The following MAEA variants were observed in gnomAD, a reference collection of about 807,000 sequenced individuals.
The protein encoded by MAEA is macrophage erythroblast attacher, E3 ubiquitin ligase.
MAEA carries 22 observed loss-of-function variants against 46.2 expected under a neutral mutation model. That is an observed-to-expected ratio of 0.48 (90% CI 0.34 to 0.68). The LOEUF (loss-of-function observed/expected upper bound fraction) is 0.68. Among genes scored for constraint, MAEA ranks in the 30% least tolerant of loss-of-function variants. MAEA has a pLI of 0.01. For synonymous variants in MAEA, 246 were observed against 222.6 expected, an observed-to-expected ratio of 1.11 and a Z score of -0.94; for missense variants, 393 against 558.1, an observed-to-expected ratio of 0.70 and a Z score of 2.98.
intron 4 of MAEA, among the ~76,000 whole-genome samples, chr4:1,325,080 G>A (rs990585001): frequency 1.3e-5 from 2 of 152,156 alleles, no homozygotes; most frequent in Non-Finnish European, 2.9e-5. Flanking sequence ...TGGGGTACAC[G>A]GCTGTCTGTG....
intron 1 of MAEA, chr4:1,309,753 T>C: frequency 6.7e-7 from 1 of 1,495,420 alleles, no homozygotes; most frequent in East Asian, 2.5e-5. Context: ...GCGTTCTGCG[T>C]AACCGTGGCG....
intron 5 of MAEA, chr4:1,328,505 T>A (rs766148156): frequency 1.6e-6 from 1 of 618,192 alleles, no homozygotes; most frequent in Non-Finnish European, 2.3e-6. Context: ...ACGCTTGAGT[T>A]GCTGTGTGGG....
chr4:1,314,955 G>C (rs560612521), intron 2 of MAEA, among the ~76,000 whole-genome samples: 1 of 152,340 alleles, frequency 6.6e-6, no homozygotes, highest in South Asian at 2.1e-4. Context: ...ACGTGGGCTG[G>C]TGGCAGCTGT....
intron 5 of MAEA, chr4:1,331,690 CAG>C (rs1711836543): frequency 6.6e-6 from 1 of 151,924 alleles, no homozygotes; most frequent in African/African-American, 2.4e-5. Flanking sequence ...GTGGGGTGCA[CAG>C]GGGCCCGTGT....
At chr4:1,317,410 C>G (rs1208930396) in intron 3 of MAEA, among the ~76,000 whole-genome samples, 5 of 151,742 alleles carry the variant, frequency 3.3e-5, no homozygotes, top group Non-Finnish European at 7.4e-5. Context: ...GCAGACCCAC[C>G]TGGCCCCACC....
intron 1 of MAEA, among the ~76,000 whole-genome samples, chr4:1,296,944 C>T (rs1263804272): frequency 6.6e-6 from 1 of 152,182 alleles, no homozygotes; most frequent in Non-Finnish European, 1.5e-5. Context: ...GCCAGCCCTC[C>T]AGAGGTTGTG....
chr4:1,300,231 C>T (rs780396480), intron 1 of MAEA, among the ~76,000 whole-genome samples: 10 of 152,128 alleles, frequency 6.6e-5, no homozygotes, highest in Admixed American at 1.3e-4. Flanking sequence ...AGGAAAGGCC[C>T]GAAGGAAGAT....
At chr4:1,303,232 CAAAAAAA>C (rs71168823) in intron 1 of MAEA, among the ~76,000 whole-genome samples, 3 of 65,676 alleles carry the variant, frequency 4.6e-5, no homozygotes, top group Admixed American at 3.2e-4. Context: ...ACTAAAAATA[CAAAAAAA>C]AAAAAAAAAA....
chr4:1,332,748 G>T lies in MAEA; in HGVS notation c.657-9G>T, dbSNP rs369790535. ...GCAAACTTAAATGTGCCAAAATGTT[G>T]TTTTTTAGACATGCAAGAAAGCACT... is the stretch of plus-strand genomic sequence containing the variant. On this transcript the variant is annotated splice_polypyrimidine_tract_variant and intron_variant, in intron 5 of 8. Transcript: ENST00000303400. The T allele has an allele frequency of 1.7e-5, 27 of 1,606,012 alleles. No homozygotes were observed. The highest frequency in any genetic ancestry group is 2.2e-5 in the Non-Finnish European group (26 of 1,174,602).
chr4:1,330,324 C>T (rs1354399889), intron 5 of MAEA: 3 of 155,848 alleles, frequency 1.9e-5, no homozygotes, highest in South Asian at 2.0e-4. Context: ...CTCTCTCTCT[C>T]TTTCCGTGTG....
At chr4:1,317,840 T>C (rs1347082141) in intron 3 of MAEA, among the ~76,000 whole-genome samples, 2 of 152,072 alleles carry the variant, frequency 1.3e-5, no homozygotes, top group Non-Finnish European at 2.9e-5. Flanking sequence ...GTTTCCGAAG[T>C]CTCCAGGTCA....
Position 1,328,748 on chromosome 4 carries a change from C to A in MAEA, c.656+1045C>A, listed in dbSNP as rs961429586. On this transcript the variant is annotated intron_variant, in intron 5 of 8. Transcript: ENST00000303400. ...CGGCAGAACCGCGGCAAGTCCCTGC[C>A]CTTGCGTGGACCCTGGAGAGGCCCG... 2.5e-6 allele frequency: 3 copies of A among 1,212,334 alleles called. No homozygotes were observed. In the African/African-American group the frequency reaches 4.7e-5, roughly 19 times the overall value. The allele number at this position is 1,212,334 out of a possible 1,614,324, so 75.1% of individuals were successfully genotyped here. A position where few individuals can be genotyped will look rare whatever the true frequency, so the allele number is the denominator to read the frequency against.
At chr4:1,293,434 C>T (rs548969411) in intron 1 of MAEA, among the ~76,000 whole-genome samples, 76 of 152,274 alleles carry the variant, frequency 5.0e-4, no homozygotes, top group African/African-American at 1.6e-3. Context: ...CTTCAAGTTA[C>T]CCTGCTGCAC....
At position 1,327,755 on chromosome 4, in the gene MAEA, C is replaced by T. The variant is rs374671432; in HGVS notation, c.656+52C>T. ...CGAGGGAGGGCAGGATGTTCGGCTG[C>T]GGCCCCTGCCAGCCCTCCCTGTCGT... On this transcript the variant is annotated intron_variant, in intron 5 of 8. Transcript: ENST00000303400. 4.8e-5 allele frequency: 72 copies of T among 1,510,748 alleles called. No individual in the cohort carries two copies. In the African/African-American group the frequency reaches 6.2e-4, roughly 13 times the overall value. The allele number at this position is 1,510,748 out of a possible 1,614,324, so 93.6% of individuals were successfully genotyped here. A position where few individuals can be genotyped will look rare whatever the true frequency, so the allele number is the denominator to read the frequency against.
At chr4:1,306,692 A>G (rs4974594) in intron 1 of MAEA, among the ~76,000 whole-genome samples, 78,748 of 152,028 alleles carry the variant, frequency 0.52, 20,492 homozygotes, top group Admixed American at 0.58. Flanking sequence ...AGAAGTTTTA[A>G]TTTTGATAAG....
chr4:1,318,525 G>A (rs1737609543), intron 3 of MAEA, among the ~76,000 whole-genome samples: 1 of 152,230 alleles, frequency 6.6e-6, no homozygotes, highest in Admixed American at 6.5e-5. Context: ...AGGGCCTGGA[G>A]CTGCTGTGTG....
intron 1 of MAEA, among the ~76,000 whole-genome samples, chr4:1,300,964 G>A (rs1242496076): frequency 2.0e-5 from 3 of 152,178 alleles, no homozygotes; most frequent in African/African-American, 4.8e-5. Context: ...TACATGCCCC[G>A]CACCAGAACA....
intron 1 of MAEA, among the ~76,000 whole-genome samples, chr4:1,301,881 A>G (rs1278966062): frequency 1.3e-5 from 2 of 152,270 alleles, no homozygotes; most frequent in East Asian, 3.8e-4. Flanking sequence ...AACCTCACAA[A>G]GAAAAGCCTG....
intron 3 of MAEA, among the ~76,000 whole-genome samples, chr4:1,316,970 A>ACACTCCAGACTCACCCCCAGGCCCACC (rs1737283501): frequency 1.8e-3 from 32 of 17,882 alleles, no homozygotes; most frequent in Non-Finnish European, 2.8e-3. Context: ...CAGGCCCACC[A>ACACTCCAGACTCACCCCCAGGCCCACC]CGGCCCCACA....
Sources: gnomAD v4.1 joint callset for allele counts (sites outside exome capture counted in the v4.1 genomes callset) on GRCh38, gnomAD v4.1.1 for gene constraint, MANE v1.5 for transcripts, NCBI Gene and HGNC (gene_info 2026-07-23, HGNC 2026-07-21) for gene names.